SCAMP1: variants seen among roughly 807,000 people sequenced by gnomAD.
SCAMP1 encodes the protein secretory carrier-associated membrane protein 1.
In SCAMP1, 15 loss-of-function variants were observed where a neutral mutation model predicts 41.8. That is an observed-to-expected ratio of 0.36 (90% CI 0.24 to 0.55). The LOEUF (loss-of-function observed/expected upper bound fraction) is 0.55, where lower values mean the gene tolerates loss of function less well. Among genes scored for constraint, SCAMP1 ranks in the 20% least tolerant of loss-of-function variants. The pLI, the probability that SCAMP1 is intolerant of heterozygous loss-of-function variation, is 0.86. For missense variants in SCAMP1, 341 were observed against 412.6 expected (o/e 0.83, Z 1.50); for synonymous variants, 135 against 136.8 (o/e 0.99, Z 0.09).
chr5:78,443,291 A>G (rs1752973439), intron 6 of SCAMP1, among the ~76,000 whole-genome samples: 1 of 151,000 alleles, frequency 6.6e-6, no homozygotes, highest in African/African-American at 2.4e-5. Context: ...GTTACCAGCT[A>G]TGTATTTGGA....
intron 7 of SCAMP1, among the ~76,000 whole-genome samples, chr5:78,452,207 A>C (rs1753253181): frequency 6.6e-6 from 1 of 150,518 alleles, no homozygotes; most frequent in Non-Finnish European, 1.5e-5. Context: ...ATTATACTTT[A>C]AGTTTTAGGG....
intron 2 of SCAMP1, among the ~76,000 whole-genome samples, chr5:78,394,840 G>A (rs138461031): frequency 3.3e-5 from 5 of 152,216 alleles, no homozygotes; most frequent in African/African-American, 1.2e-4. Flanking sequence ...TTTGTCTTTG[G>A]CGCTAACAGC....
chr5:78,466,580 G>A (rs1181831164), intron 8 of SCAMP1, among the ~76,000 whole-genome samples: 2 of 152,180 alleles, frequency 1.3e-5, no homozygotes, highest in African/African-American at 2.4e-5. Flanking sequence ...AAAACATGGT[G>A]TGTGAGCTGG....
chr5:78,364,486 A>G (rs1012373826), intron 1 of SCAMP1, among the ~76,000 whole-genome samples: 5 of 152,154 alleles, frequency 3.3e-5, no homozygotes, highest in Non-Finnish European at 7.3e-5. Context: ...AGATTAAAAA[A>G]CAAAGCCCAC....
At chr5:78,387,307 G>A (rs984858066) in intron 1 of SCAMP1, among the ~76,000 whole-genome samples, 41 of 148,778 alleles carry the variant, frequency 2.8e-4, no homozygotes, top group Admixed American at 1.3e-4. Flanking sequence ...CAGAAGTTGC[G>A]ATTGTTTTTT....
At chr5:78,377,575 G>C (rs1341957270) in intron 1 of SCAMP1, among the ~76,000 whole-genome samples, 2 of 152,170 alleles carry the variant, frequency 1.3e-5, no homozygotes, top group South Asian at 4.1e-4. Flanking sequence ...ATAGGGTCAC[G>C]TGACACAAAG....
chr5:78,391,230 C>T (rs113055230), intron 2 of SCAMP1, among the ~76,000 whole-genome samples: 9 of 147,300 alleles, frequency 6.1e-5, no homozygotes, highest in African/African-American at 1.8e-4. Context: ...TAGGGGCGGC[C>T]GGGCAGAGGC....
At chr5:78,378,097 A>G (rs989521219) in intron 1 of SCAMP1, among the ~76,000 whole-genome samples, 1 of 152,146 alleles carries the variant, frequency 6.6e-6, no homozygotes, top group Non-Finnish European at 1.5e-5. Context: ...CCAGGTGCTC[A>G]GTTTCTGATT....
chr5:78,473,181 G>A (rs1429407044), intron 8 of SCAMP1, among the ~76,000 whole-genome samples: 1 of 152,156 alleles, frequency 6.6e-6, no homozygotes, highest in Non-Finnish European at 1.5e-5. Context: ...GTATTTGTCA[G>A]TGCTCTTTTT....
chr5:78,425,133 T>C (rs1752438587), intron 6 of SCAMP1, among the ~76,000 whole-genome samples: 1 of 152,260 alleles, frequency 6.6e-6, no homozygotes, highest in Non-Finnish European at 1.5e-5. Flanking sequence ...TTTTATGATC[T>C]ATAAGTGAAC....
At chr5:78,433,860 C>T (rs1352227124) in intron 6 of SCAMP1, among the ~76,000 whole-genome samples, 1 of 152,112 alleles carries the variant, frequency 6.6e-6, no homozygotes, top group Non-Finnish European at 1.5e-5. Flanking sequence ...CTGCCCTTCT[C>T]AGTGATCCTG....
At chr5:78,461,343 A>AAG (rs369977630) in intron 8 of SCAMP1, among the ~76,000 whole-genome samples, 17 of 152,028 alleles carry the variant, frequency 1.1e-4, no homozygotes, top group African/African-American at 4.1e-4. Context: ...ATCTTGAGTT[A>AAG]ATTTTTGTAT....
chr5:78,366,469 A>C (rs1426249443), intron 1 of SCAMP1, among the ~76,000 whole-genome samples: 4 of 152,090 alleles, frequency 2.6e-5, no homozygotes, highest in Admixed American at 2.6e-4. Context: ...TAATAGGGAT[A>C]TTAATCCCAT....
At chr5:78,464,406 G>A (rs1012143290) in intron 8 of SCAMP1, among the ~76,000 whole-genome samples, 4 of 152,140 alleles carry the variant, frequency 2.6e-5, no homozygotes, top group African/African-American at 9.7e-5. Context: ...TTACAGGCAT[G>A]AGCCACCACG....
rs1214431897 is a variant in SCAMP1, at chr5:78,436,451, G to A, written c.633-13482G>A. On this transcript the variant is annotated intron_variant, in intron 6 of 8. Transcript: ENST00000621999. Reference sequence around the variant, plus strand: ...TCAGCTTTCTACATCTGGCTAGCCAGTTTTCCCAGCACCATTTATTAAATA... The same window carrying A: ...TCAGCTTTCTACATCTGGCTAGCCAATTTTCCCAGCACCATTTATTAAATA... Among the ~76,000 whole-genome samples the A allele has an allele frequency of 3.3e-5, 5 of 152,350 alleles. No homozygotes were observed. In the East Asian group the frequency reaches 9.6e-4, roughly 29 times the overall value.
At chr5:78,470,657 C>G (rs1031940181) in intron 8 of SCAMP1, among the ~76,000 whole-genome samples, 2 of 152,118 alleles carry the variant, frequency 1.3e-5, no homozygotes, top group African/African-American at 4.8e-5. Context: ...GCTTTTACCT[C>G]TCTTGTGTAC....
At chr5:78,473,843 T>G (rs1460051486) in intron 8 of SCAMP1, among the ~76,000 whole-genome samples, 1 of 152,212 alleles carries the variant, frequency 6.6e-6, no homozygotes, top group Non-Finnish European at 1.5e-5. Context: ...CATTTATATG[T>G]TGTTTTAGTC....
intron 6 of SCAMP1, among the ~76,000 whole-genome samples, chr5:78,439,920 A>C (rs758264785): frequency 6.6e-6 from 1 of 150,972 alleles, no homozygotes; most frequent in Non-Finnish European, 1.5e-5. Flanking sequence ...ATTTCTTTTT[A>C]CTCTTTTTTC....
chr5:78,456,150 T>A (rs1248279361), intron 7 of SCAMP1, among the ~76,000 whole-genome samples: 11 of 123,386 alleles, frequency 8.9e-5, no homozygotes, highest in African/African-American at 3.5e-4. Context: ...TTTGCCAGTC[T>A]GTGTCTTTTA....
Sources: gnomAD v4.1 joint callset for allele counts (sites outside exome capture counted in the v4.1 genomes callset) on GRCh38, gnomAD v4.1.1 for gene constraint, MANE v1.5 for transcripts, NCBI Gene and HGNC (gene_info 2026-07-23, HGNC 2026-07-21) for gene names.